Variants in UBE3D observed in about 807,000 individuals in gnomAD.
UBE3D encodes the protein ubiquitin protein ligase E3D.
A neutral mutation model predicts 49.6 loss-of-function variants in UBE3D; 48 were observed. The observed-to-expected ratio is 0.97, with a 90% CI of 0.77 to 1.23. UBE3D has a LOEUF of 1.23. UBE3D is among the 50% of genes most tolerant of loss of function. UBE3D has a pLI of 0.00. For synonymous variants in UBE3D, 189 were observed against 174.2 expected, an observed-to-expected ratio of 1.08 and a Z score of -0.67; for missense variants, 452 against 468.4, an observed-to-expected ratio of 0.96 and a Z score of 0.32.
chr6:83,016,882 G>A (rs1224052959), intron 8 of UBE3D, among the ~76,000 whole-genome samples: 1 of 152,092 alleles, frequency 6.6e-6, no homozygotes, highest in African/African-American at 2.4e-5. Flanking sequence ...TAGGCTGGGA[G>A]GCTAAGCCAA....
At position 83,022,545 on chromosome 6, in the gene UBE3D, T is replaced by C; in HGVS notation, c.754A>G (p.Ser252Gly). Residue 252 changes from serine to glycine, a missense_variant, in exon 7 of 10, where the codon AGC (serine) becomes GGC (glycine). Transcript: ENST00000369747. ...PIIPRSWFVQ[S>G]VIAQCLVQLS... Reference sequence around the variant, plus strand: ...TGCACCAGACACTGGGCGATCACGCTCTGGACAAACCAAGACCTGTTTGAA... The same window carrying C: ...TGCACCAGACACTGGGCGATCACGCCCTGGACAAACCAAGACCTGTTTGAA... 6.3e-7 allele frequency: 1 copy of C among 1,594,876 alleles called. No individual in the cohort carries two copies. Among genetic ancestry groups the C allele is most frequent in the South Asian group, 1.1e-5 (1 of 87,222 alleles).
At chr6:82,926,896 G>A (rs547695356) in intron 9 of UBE3D, among the ~76,000 whole-genome samples, 1 of 151,914 alleles carries the variant, frequency 6.6e-6, no homozygotes, top group Non-Finnish European at 1.5e-5. Flanking sequence ...CATGGGGTAT[G>A]CCTTTGCACT....
chr6:83,021,472 G>C (rs1781085389), intron 7 of UBE3D, among the ~76,000 whole-genome samples: 1 of 150,346 alleles, frequency 6.7e-6, no homozygotes. Flanking sequence ...GGAGCAATAG[G>C]ACATATTCTA....
intron 1 of UBE3D, 63 bp from the exon 2 acceptor site, chr6:83,058,085 A>G: frequency 6.5e-7 from 1 of 1,540,768 alleles, no homozygotes; most frequent in Non-Finnish European, 8.9e-7. Flanking sequence ...ATGATGAAAG[A>G]AACAAAAATG....
At chr6:82,980,232 G>C (rs1778019686) in intron 8 of UBE3D, among the ~76,000 whole-genome samples, 1 of 151,950 alleles carries the variant, frequency 6.6e-6, no homozygotes. Context: ...CTTTGCTCTG[G>C]ATCCTCACAA....
intron 1 of UBE3D, among the ~76,000 whole-genome samples, chr6:83,064,286 C>T (rs900991759): frequency 2.6e-5 from 4 of 152,104 alleles, no homozygotes; most frequent in African/African-American, 4.8e-5. Flanking sequence ...TGCAGTGGCG[C>T]GATCTCAGCT....
At chr6:82,927,984 T>C (rs1407218386) in intron 9 of UBE3D, among the ~76,000 whole-genome samples, 1 of 152,014 alleles carries the variant, frequency 6.6e-6, no homozygotes, top group East Asian at 1.9e-4. Flanking sequence ...TCATTATATA[T>C]TTTTTCAAAG....
chr6:82,882,072 A>T, the UBE3D span, among the ~76,000 whole-genome samples: 8 of 152,148 alleles, frequency 5.3e-5, no homozygotes, highest in African/African-American at 1.9e-4. Context: ...CCTACTGTTC[A>T]TCTTACTCTG....
At chr6:82,890,117 G>A (rs924850219), downstream of UBE3D, among the ~76,000 whole-genome samples, 2 of 152,050 alleles carry the variant, frequency 1.3e-5, no homozygotes, top group East Asian at 3.9e-4. Flanking sequence ...AGGCTAATGT[G>A]GAACAACTTC....
intron 8 of UBE3D, among the ~76,000 whole-genome samples, chr6:83,010,273 CAG>C (rs1250267372): frequency 6.6e-6 from 1 of 151,814 alleles, no homozygotes; most frequent in East Asian, 1.9e-4. Context: ...AGAAATGACA[CAG>C]AGAGGGCAAC....
chr6:82,983,548 AT>A (rs11377650), intron 8 of UBE3D, among the ~76,000 whole-genome samples: 436 of 151,514 alleles, frequency 2.9e-3, no homozygotes, highest in Non-Finnish European at 3.2e-3. Context: ...AAAAGTAGTA[AT>A]TTTTTTTTAA....
In UBE3D at chr6:83,019,109, C is replaced by A; in HGVS notation, c.874G>T (p.Val292Leu). 6.2e-7 allele frequency: 1 copy of A among 1,613,130 alleles called. No homozygotes were observed. Among genetic ancestry groups the A allele is most frequent in the Admixed American group, 1.7e-5 (1 of 59,782 alleles). The stretch of plus-strand genomic sequence containing the variant: ...TTGGAATTTCTCAAAGATTCAATCA[C>A]CAAACTGTCTGAATTTAAAAGCCAT... ...LLWLLNSDSL[V>L]IESLRNSKYI... The change falls in exon 8 of 10, where the codon GTG (valine) becomes TTG (leucine). Residue 292 changes from valine (V) to leucine (L), a missense_variant. By Grantham distance (32) the Val-to-Leu change is conservative (BLOSUM62 1). Coordinates refer to ENST00000369747, the MANE Select transcript of UBE3D (RefSeq NM_198920.3).
chr6:83,055,507 A>G (rs1016523701), intron 2 of UBE3D, among the ~76,000 whole-genome samples: 10 of 152,206 alleles, frequency 6.6e-5, no homozygotes, highest in African/African-American at 2.4e-4. Flanking sequence ...TAGGAATCCA[A>G]AATATTTTTT....
intron 9 of UBE3D, among the ~76,000 whole-genome samples, chr6:82,897,289 A>AT (rs1271853897): frequency 3.3e-5 from 5 of 152,212 alleles, no homozygotes; most frequent in Non-Finnish European, 2.9e-5. Context: ...ATGCCCTTAT[A>AT]TTATAAAATC....
In UBE3D at chr6:83,001,234, A is replaced by G. The variant is rs569655035; in HGVS notation, c.1010+17739T>C. On this transcript the variant is annotated intron_variant, in intron 8 of 9. Transcript: ENST00000369747. ...GCACCATTTATCTCTTCATCATAGC[A>G]CTGATCAGTTTGCAGTTTTACATTT... 5.3e-5 allele frequency among the ~76,000 whole-genome samples: 8 copies of G among 152,194 alleles called. No individual in the cohort carries two copies. The East Asian group carries it at 1.4e-3, about 26-fold the overall frequency.
chr6:82,948,697 A>C (rs762443698), intron 9 of UBE3D, among the ~76,000 whole-genome samples: 5 of 152,104 alleles, frequency 3.3e-5, no homozygotes, highest in African/African-American at 1.2e-4. Context: ...CAGGGATACA[A>C]GTATGATTCA....
intron 9 of UBE3D, among the ~76,000 whole-genome samples, chr6:82,894,602 C>T (rs1771176746): frequency 6.6e-6 from 1 of 152,112 alleles, no homozygotes; most frequent in South Asian, 2.1e-4. Context: ...TGTCTTTAAC[C>T]CTCACCTTCC....
intron 9 of UBE3D, among the ~76,000 whole-genome samples, chr6:82,924,231 T>C (rs1171148699): frequency 1.3e-5 from 2 of 152,102 alleles, no homozygotes; most frequent in Non-Finnish European, 2.9e-5. Context: ...AAAACCCAGA[T>C]ATAGCCATTT....
At chr6:83,023,900 TAAA>T in intron 6 of UBE3D, 66 bp downstream of exon 6, 16 of 1,071,942 alleles carry the variant, frequency 1.5e-5, no homozygotes, top group Non-Finnish European at 2.0e-5. Context: ...AACCAAAAAA[TAAA>T]AAATAAAGGT....
Sources: allele counts gnomAD v4.1 joint callset (sites outside exome capture counted in the v4.1 genomes callset), GRCh38; gene constraint gnomAD v4.1.1; transcripts MANE v1.5; gene names NCBI Gene and HGNC (gene_info 2026-07-23, HGNC 2026-07-21).